Variants in MTUS2 observed in about 807,000 individuals in gnomAD.
MTUS2 encodes microtubule associated scaffold protein 2.
Under a neutral mutation model 114.1 loss-of-function variants are expected in MTUS2, and 40 were observed. That is an observed-to-expected ratio of 0.35 (90% CI 0.27 to 0.46). The LOEUF (loss-of-function observed/expected upper bound fraction) is 0.46, where lower values mean the gene tolerates loss of function less well. Ranked by LOEUF, MTUS2 falls within the 20% of genes least tolerant of loss-of-function variation. The pLI, the probability that MTUS2 is intolerant of heterozygous loss-of-function variation, is 1.00. For missense variants in MTUS2, 1,679 were observed against 1,705.4 expected, an observed-to-expected ratio of 0.98 and a Z score of 0.27; for synonymous variants, 688 against 672.0, an observed-to-expected ratio of 1.02 and a Z score of -0.37.
intron 2 of MTUS2, among the ~76,000 whole-genome samples, chr13:29,002,782 C>T (rs1885441198): frequency 6.6e-6 from 1 of 152,148 alleles, no homozygotes; most frequent in Non-Finnish European, 1.5e-5. Flanking sequence ...CTAGAAAATT[C>T]TACAGTACAT....
At chr13:29,369,548 C>G (rs9578089) in intron 8 of MTUS2, among the ~76,000 whole-genome samples, 29,743 of 152,028 alleles carry the variant, frequency 0.2, 3,091 homozygotes, top group Middle Eastern at 0.25. Flanking sequence ...CATCAAATCA[C>G]TAAAACAGCA....
At chr13:29,286,145 C>T (rs1449168475) in intron 6 of MTUS2, among the ~76,000 whole-genome samples, 2 of 152,162 alleles carry the variant, frequency 1.3e-5, no homozygotes, top group Admixed American at 6.5e-5. Flanking sequence ...AGGCTGGTCT[C>T]GAACTTCTGA....
chr13:29,078,701 G>A (rs185699846), intron 4 of MTUS2, among the ~76,000 whole-genome samples: 23 of 152,232 alleles, frequency 1.5e-4, no homozygotes, highest in South Asian at 6.2e-4. Context: ...TGGGCATTTC[G>A]TGTAATGGAA....
intron 5 of MTUS2, among the ~76,000 whole-genome samples, chr13:29,158,597 C>T (rs914697289): frequency 7.9e-5 from 12 of 151,860 alleles, no homozygotes; most frequent in Non-Finnish European, 1.3e-4. Context: ...TTCTGTCACC[C>T]TCAGAGAGAC....
At chr13:29,046,840 A>C (rs2138582811) in intron 4 of MTUS2, among the ~76,000 whole-genome samples, 1 of 152,236 alleles carries the variant, frequency 6.6e-6, no homozygotes, top group South Asian at 2.1e-4. Context: ...AAGAGGACTA[A>C]CTTTCTACAG....
At chr13:28,942,665 T>C (rs1882309286) in intron 2 of MTUS2, among the ~76,000 whole-genome samples, 1 of 152,260 alleles carries the variant, frequency 6.6e-6, no homozygotes, top group South Asian at 2.1e-4. Flanking sequence ...GTGACATGGA[T>C]ACATCTCAGT....
chr13:29,313,198 C>G (rs904408249), intron 6 of MTUS2, among the ~76,000 whole-genome samples: 2 of 152,098 alleles, frequency 1.3e-5, no homozygotes, highest in South Asian at 2.1e-4. Context: ...CTGCAGAGCT[C>G]TCCCTACAGG....
intron 9 of MTUS2, among the ~76,000 whole-genome samples, chr13:29,453,314 C>T (rs1878870677): frequency 6.6e-6 from 1 of 152,200 alleles, no homozygotes; most frequent in African/African-American, 2.4e-5. Flanking sequence ...TCGTGAACCT[C>T]TTATTTTTCA....
At chr13:28,855,880 A>G (rs2138047324) in intron 2 of MTUS2, among the ~76,000 whole-genome samples, 1 of 152,306 alleles carries the variant, frequency 6.6e-6, no homozygotes, top group Non-Finnish European at 1.5e-5. Context: ...AGTAATTTGC[A>G]TTCCCACCAA....
At chr13:29,211,186 T>A (rs1895415397) in intron 5 of MTUS2, among the ~76,000 whole-genome samples, 1 of 151,992 alleles carries the variant, frequency 6.6e-6, no homozygotes, top group Non-Finnish European at 1.5e-5. Context: ...CTCAGGCCAA[T>A]GGAGTTATGA....
At chr13:29,339,117 G>A (rs564275458) in intron 7 of MTUS2, among the ~76,000 whole-genome samples, 30 of 152,206 alleles carry the variant, frequency 2.0e-4, no homozygotes, top group African/African-American at 6.7e-4. Context: ...TGGTCCTCCC[G>A]GGGCGGCTCC....
chr13:28,963,580 G>A (rs898250197), intron 2 of MTUS2, among the ~76,000 whole-genome samples: 1 of 152,154 alleles, frequency 6.6e-6, no homozygotes, highest in Non-Finnish European at 1.5e-5. Context: ...GTGTGTGTGT[G>A]TGAATATATC....
intron 2 of MTUS2, among the ~76,000 whole-genome samples, chr13:28,844,979 A>C (rs1875769846): frequency 6.6e-6 from 1 of 152,140 alleles, no homozygotes; most frequent in Admixed American, 6.5e-5. Flanking sequence ...TTTTAGAGAC[A>C]GGATTTCACC....
In MTUS2 at chr13:29,434,365, A is replaced by G. The variant is rs539523485; in HGVS notation, c.3118-5618A>G. Among the ~76,000 whole-genome samples the G allele has an allele frequency of 5.9e-4, 90 of 152,246 alleles. No individual in the cohort carries two copies. In the Middle Eastern group the frequency reaches 0.017, roughly 29 times the overall value. On this transcript the variant is annotated intron_variant, in intron 8 of 15. Transcript: ENST00000612955. ...GCTCTCTGCATATGCTGCTGCTCTC[A>G]GTTTAAATCTCCAAGACAGCCTTGC... is the stretch of plus-strand genomic sequence containing the variant.
chr13:29,315,314 G>C (rs1268920425), intron 6 of MTUS2, among the ~76,000 whole-genome samples: 1 of 152,140 alleles, frequency 6.6e-6, no homozygotes, highest in Non-Finnish European at 1.5e-5. Context: ...TAGAAGAGAG[G>C]ATCTGGCATG....
chr13:29,372,071 G>A (rs1405973502), intron 8 of MTUS2, among the ~76,000 whole-genome samples: 1 of 144,542 alleles, frequency 6.9e-6, no homozygotes, highest in African/African-American at 2.6e-5. Context: ...TCACAGTGTA[G>A]ATGTGTATCA....
intron 6 of MTUS2, among the ~76,000 whole-genome samples, chr13:29,323,646 A>G (rs1447553973): frequency 9.2e-5 from 14 of 152,228 alleles, no homozygotes; most frequent in Admixed American, 5.9e-4. Flanking sequence ...TGTTTATTTC[A>G]TATATTTATC....
At chr13:28,913,874 T>C (rs1435698683) in intron 2 of MTUS2, among the ~76,000 whole-genome samples, 2 of 152,156 alleles carry the variant, frequency 1.3e-5, no homozygotes, top group Non-Finnish European at 2.9e-5. Flanking sequence ...AATTTATCCA[T>C]TTCTTCTGGA....
At chr13:29,305,238 A>G (rs961187482) in intron 6 of MTUS2, among the ~76,000 whole-genome samples, 2 of 152,166 alleles carry the variant, frequency 1.3e-5, no homozygotes, top group African/African-American at 2.4e-5. Context: ...TAGAGAACCA[A>G]AAGCAAATAG....
Sources: allele counts gnomAD v4.1 joint callset (sites outside exome capture counted in the v4.1 genomes callset), GRCh38; gene constraint gnomAD v4.1.1; transcripts MANE v1.5; gene names NCBI Gene and HGNC (gene_info 2026-07-23, HGNC 2026-07-21).